Variants in FRMD4B observed in about 807,000 individuals in gnomAD.
FRMD4B encodes FERM domain-containing protein 4B.
FRMD4B carries 74 observed loss-of-function variants against 141.5 expected under a neutral mutation model. That is an observed-to-expected ratio of 0.52 (90% confidence interval 0.43 to 0.63). The LOEUF (loss-of-function observed/expected upper bound fraction) is 0.63. Among genes scored for constraint, FRMD4B ranks in the 30% least tolerant of loss-of-function variants. The pLI is 0.00. For synonymous variants in FRMD4B, 506 were observed against 467.9 expected, an observed-to-expected ratio of 1.08 and a Z score of -1.05; for missense variants, 1,366 against 1,253.4, an observed-to-expected ratio of 1.09 and a Z score of -1.36.
chr3:69,396,779 A>C (rs543396577), intron 2 of FRMD4B, among the ~76,000 whole-genome samples: 4 of 152,356 alleles, frequency 2.6e-5, no homozygotes, highest in African/African-American at 9.6e-5. Flanking sequence ...GGAGTTCCTC[A>C]AAAAGTTAAA....
rs147104023 is a variant in FRMD4B, at chr3:69,508,311, C to A, written c.-129+33895G>T. Among the ~76,000 whole-genome samples the A allele has an allele frequency of 1.6e-3, 246 of 152,196 alleles. 1 individual carries two copies. The highest frequency in any genetic ancestry group is 5.8e-3 in the African/African-American group (239 of 41,534). Reference sequence around the variant, plus strand: ...CAACAGAACTTGATAGAAAGAAGTGCTCCTATATTTTGTTCAACAGCTTTA... The same window carrying A: ...CAACAGAACTTGATAGAAAGAAGTGATCCTATATTTTGTTCAACAGCTTTA... On this transcript the variant is annotated intron_variant, in intron 1 of 5. Transcript: ENST00000459638.
Position 69,325,560 on chromosome 3 carries a change from G to A in FRMD4B, c.163-12043C>T, listed in dbSNP as rs964344424. Among the ~76,000 whole-genome samples, 4 of 152,184 alleles carry A rather than the reference G, an allele frequency of 2.6e-5. No homozygotes were observed. The South Asian group carries it at 6.2e-4, about 24-fold the overall frequency. On this transcript the variant is annotated intron_variant, in intron 1 of 22. Coordinates refer to ENST00000398540, the MANE Select transcript of FRMD4B (RefSeq NM_015123.3). ...AGAAGCACACAGGATTTAGAGTCAC[G>A]AGGTTTGAGTTTGTGTCCCAGCCCT...
At chr3:69,340,639 G>GT (rs1559816501) in intron 1 of FRMD4B, among the ~76,000 whole-genome samples, 1 of 152,150 alleles carries the variant, frequency 6.6e-6, no homozygotes, top group Non-Finnish European at 1.5e-5. Flanking sequence ...TTGATACCTG[G>GT]TTTCCTGATC....
intron 1 of FRMD4B, among the ~76,000 whole-genome samples, chr3:69,330,993 A>G (rs1207801198): frequency 6.6e-6 from 1 of 152,156 alleles, no homozygotes; most frequent in Non-Finnish European, 1.5e-5. Context: ...TTCCTGCTCT[A>G]TTCTAATCTC....
intron 1 of FRMD4B, among the ~76,000 whole-genome samples, chr3:69,537,917 C>T (rs2107173690): frequency 6.6e-6 from 1 of 152,320 alleles, no homozygotes; most frequent in Non-Finnish European, 1.5e-5. Context: ...CAGTCCAGCC[C>T]TTTGATGTCC....
intron 7 of FRMD4B, among the ~76,000 whole-genome samples, chr3:69,229,926 T>C (rs1355721578): frequency 6.6e-6 from 1 of 151,948 alleles, no homozygotes; most frequent in Non-Finnish European, 1.5e-5. Context: ...GGAAGGTCTC[T>C]ATCTCTTGAC....
chr3:69,494,278 A>C (rs1175828420), intron 1 of FRMD4B, among the ~76,000 whole-genome samples: 1 of 152,212 alleles, frequency 6.6e-6, no homozygotes, highest in Non-Finnish European at 1.5e-5. Flanking sequence ...CAGGGTCTAG[A>C]AATAGATGTG....
intron 7 of FRMD4B, among the ~76,000 whole-genome samples, chr3:69,248,424 G>C (rs932874041): frequency 1.3e-5 from 2 of 152,198 alleles, no homozygotes; most frequent in Non-Finnish European, 2.9e-5. Context: ...GTAACTGGAA[G>C]TTTTCAAGGT....
At chr3:69,453,401 C>G (rs1178082594) in intron 1 of FRMD4B, among the ~76,000 whole-genome samples, 1 of 152,186 alleles carries the variant, frequency 6.6e-6, no homozygotes, top group Non-Finnish European at 1.5e-5. Context: ...TCCTGGTACC[C>G]TCTGACTTGG....
intron 1 of FRMD4B, among the ~76,000 whole-genome samples, chr3:69,506,922 T>C (rs1229375211): frequency 6.6e-6 from 1 of 152,198 alleles, no homozygotes; most frequent in East Asian, 1.9e-4. Context: ...AATGCTGCAG[T>C]GCTGTACTTT....
intron 22 of FRMD4B, among the ~76,000 whole-genome samples, chr3:69,172,225 G>A (rs751560764): frequency 6.6e-6 from 1 of 152,160 alleles, no homozygotes; most frequent in African/African-American, 2.4e-5. Flanking sequence ...TTTAACTTGT[G>A]TTTCATTGAT....
At chr3:69,386,704 G>A (rs546976200), upstream of FRMD4B, among the ~76,000 whole-genome samples, 3 of 152,336 alleles carry the variant, frequency 2.0e-5, no homozygotes, top group East Asian at 5.8e-4. Context: ...CCTAGAACCT[G>A]CCTTTGCTCC....
intron 7 of FRMD4B, among the ~76,000 whole-genome samples, chr3:69,241,624 A>G (rs1471033593): frequency 1.3e-5 from 2 of 152,180 alleles, no homozygotes; most frequent in Admixed American, 1.3e-4. Flanking sequence ...GGTTGGGTGC[A>G]GTCGCTCACA....
chr3:69,303,652 G>A (rs1701293801), intron 3 of FRMD4B, among the ~76,000 whole-genome samples: 1 of 152,144 alleles, frequency 6.6e-6, no homozygotes, highest in Admixed American at 6.6e-5. Flanking sequence ...GGCTGGGTGT[G>A]GTGGCTCACA....
intron 4 of FRMD4B, among the ~76,000 whole-genome samples, chr3:69,288,193 G>A (rs1348284309): frequency 6.6e-6 from 1 of 152,242 alleles, no homozygotes; most frequent in African/African-American, 2.4e-5. Flanking sequence ...AAGCGCAGAT[G>A]AACTAGGAGT....
In FRMD4B at chr3:69,187,496, C is replaced by T. The variant is rs112881333; in HGVS notation, c.1919+274G>A. On this transcript the variant is annotated intron_variant, in intron 19 of 22. Transcript: ENST00000398540. ...GGACGTTGCGGTGAGCTGGAGTTCA[C>T]GCCGTTGCACTCCAGCCTGGGCAAC... Among the ~76,000 whole-genome samples, 315 of 148,922 alleles carry T rather than the reference C, an allele frequency of 2.1e-3. 1 individual carries two copies. The highest frequency in any genetic ancestry group is 7.5e-3 in the African/African-American group (303 of 40,548).
chr3:69,406,770 T>C (rs144415169), intron 2 of FRMD4B, among the ~76,000 whole-genome samples: 6 of 152,262 alleles, frequency 3.9e-5, no homozygotes. Context: ...TCTCTCTCTG[T>C]GTCTCAGGCT....
chr3:69,445,320 C>T (rs1157492479), intron 1 of FRMD4B, among the ~76,000 whole-genome samples: 3 of 152,204 alleles, frequency 2.0e-5, no homozygotes, highest in Non-Finnish European at 2.9e-5. Flanking sequence ...ACAAATACTG[C>T]TATTCCAGTC....
At chr3:69,333,696 A>C (rs1195904420) in intron 1 of FRMD4B, among the ~76,000 whole-genome samples, 1 of 152,180 alleles carries the variant, frequency 6.6e-6, no homozygotes, top group Non-Finnish European at 1.5e-5. Context: ...ATTACATAAT[A>C]AAATACCCAA....
Sources: gnomAD v4.1 joint callset for allele counts (sites outside exome capture counted in the v4.1 genomes callset) on GRCh38, gnomAD v4.1.1 for gene constraint, MANE v1.5 for transcripts, NCBI Gene and HGNC (gene_info 2026-07-23, HGNC 2026-07-21) for gene names.